Variants in HS6ST2 observed in about 807,000 individuals in gnomAD.
HS6ST2 encodes the protein heparan sulfate 6-O-sulfotransferase 2, also known as heparan-sulfate 6-O-sulfotransferase 2.
HS6ST2 carries 17 observed loss-of-function variants against 33.0 expected under a neutral mutation model. That is an observed-to-expected ratio of 0.52 (90% CI 0.35 to 0.77). The LOEUF (loss-of-function observed/expected upper bound fraction) is 0.77. Ranked by LOEUF, HS6ST2 falls within the 30% of genes least tolerant of loss-of-function variation. The pLI is 0.01. For missense variants in HS6ST2, 519 were observed against 551.7 expected (o/e 0.94, Z 0.59); for synonymous variants, 248 against 237.1 (o/e 1.05, Z -0.42).
chrX:132,859,561 T>A (rs1034079219), intron 2 of HS6ST2, among the ~76,000 whole-genome samples: 17 of 101,071 alleles, frequency 1.7e-4, no homozygotes, highest in Admixed American at 3.5e-4. Flanking sequence ...GGCTAAAGGA[T>A]AGGGATATGA....
chrX:132,742,602 T>C (rs1242263679), intron 2 of HS6ST2, among the ~76,000 whole-genome samples: 1 of 112,308 alleles, frequency 8.9e-6, no homozygotes, highest in East Asian at 2.8e-4. Context: ...AGCCTTATTG[T>C]AACCAGCCAA....
intron 2 of HS6ST2, among the ~76,000 whole-genome samples, chrX:132,948,457 A>AT (rs2066977446): frequency 1.8e-5 from 2 of 112,495 alleles, no homozygotes; most frequent in South Asian, 7.4e-4. Flanking sequence ...ATTAAATTGT[A>AT]TTTTGAATCG....
intron 2 of HS6ST2, among the ~76,000 whole-genome samples, chrX:132,776,450 C>T (rs1411766389): frequency 2.7e-5 from 3 of 111,790 alleles, no homozygotes; most frequent in Admixed American, 1.9e-4. Context: ...ATGACATGAG[C>T]GATGTGATGT....
chrX:132,946,695 A>C lies in HS6ST2; in HGVS notation c.947+10113T>G, dbSNP rs184899712. 1.8e-3 allele frequency among the ~76,000 whole-genome samples: 197 copies of C among 111,993 alleles called. 2 individuals carry two copies. The highest frequency in any genetic ancestry group is 6.0e-3 in the African/African-American group (186 of 30,838). Reference sequence around the variant, plus strand: ...GATGAGTTAATGGGTGCAGCACACCAACATGGCACATGTATACATATGTAA... The same window carrying C: ...GATGAGTTAATGGGTGCAGCACACCCACATGGCACATGTATACATATGTAA... On this transcript the variant is annotated intron_variant, in intron 2 of 4. Transcript: ENST00000370833.
At chrX:132,897,212 G>A (rs757971374) in intron 2 of HS6ST2, among the ~76,000 whole-genome samples, 4 of 109,557 alleles carry the variant, frequency 3.7e-5, no homozygotes, top group Non-Finnish European at 7.6e-5. Flanking sequence ...GAGTAACATC[G>A]AGGCTCTTCC....
chrX:132,718,620 G>T (rs1286005497), intron 2 of HS6ST2, among the ~76,000 whole-genome samples: 1 of 111,018 alleles, frequency 9.0e-6, no homozygotes, highest in Non-Finnish European at 1.9e-5. Flanking sequence ...ACTCTGAAGT[G>T]CTTCCTGTTT....
rs2067117873 is a variant in HS6ST2 at position 132,958,533 on chromosome X, G to A, written c.70C>T (p.Arg24Cys). The A allele has an allele frequency of 8.4e-7, 1 of 1,184,358 alleles. No homozygotes were observed. The change falls in exon 1 of 5, where the codon CGC (arginine) becomes TGC (cysteine). Residue 24 changes from arginine (R) to cysteine (C), a missense_variant. Coordinates refer to ENST00000370833, the MANE Select transcript of HS6ST2 (RefSeq NM_001394073.1). ...GAATGCCGGCGGGGACAGGTGGTGC[G>A]GACGGGCGCTCCTCGCTCCGGTTGC... ...PRQPERGAPV[R>C]TTCPRRHSRV... is the part of the protein sequence containing the mutation.
intron 2 of HS6ST2, among the ~76,000 whole-genome samples, chrX:132,772,284 G>A (rs909488850): frequency 2.7e-5 from 3 of 110,783 alleles, no homozygotes; most frequent in African/African-American, 9.8e-5. Flanking sequence ...TTTCCATGCC[G>A]TCTCAAGGCC....
At chrX:132,879,813 G>A (rs939476280) in intron 2 of HS6ST2, among the ~76,000 whole-genome samples, 1 of 111,906 alleles carries the variant, frequency 8.9e-6, no homozygotes, top group Non-Finnish European at 1.9e-5. Context: ...ATTGAGTAAT[G>A]GGGGAGACAG....
chrX:132,769,885 C>T (rs1420591069), intron 2 of HS6ST2, among the ~76,000 whole-genome samples: 2 of 112,148 alleles, frequency 1.8e-5, no homozygotes, highest in African/African-American at 3.2e-5. Context: ...GACTCACTTT[C>T]TCTGAGACAA....
chrX:132,840,241 A>T (rs2065695950), intron 2 of HS6ST2, among the ~76,000 whole-genome samples: 1 of 111,968 alleles, frequency 8.9e-6, no homozygotes, highest in Non-Finnish European at 1.9e-5. Flanking sequence ...ATTTGATATT[A>T]TACCCACAAA....
intron 3 of HS6ST2, among the ~76,000 whole-genome samples, chrX:132,701,072 G>A (rs1449411767): frequency 8.9e-6 from 1 of 112,124 alleles, no homozygotes; most frequent in Non-Finnish European, 1.9e-5. Context: ...CAAAAATTCA[G>A]CGAGTTTAGT....
At chrX:132,808,063 G>A (rs773506040) in intron 2 of HS6ST2, among the ~76,000 whole-genome samples, 3 of 111,766 alleles carry the variant, frequency 2.7e-5, no homozygotes, top group East Asian at 2.8e-4. Flanking sequence ...TGGAAATCTC[G>A]CCCTTGTGGA....
In HS6ST2 at chrX:132,958,595, A is replaced by G; in HGVS notation, c.8T>C (p.Leu3Pro). 1 of 1,170,489 alleles carries G rather than the reference A, an allele frequency of 8.5e-7. No homozygotes were observed. Among genetic ancestry groups the G allele is most frequent in the Non-Finnish European group, 1.1e-6 (1 of 873,744 alleles). Reference protein sequence around the residue: MALPACAVREFEP... With the variant: MAPPACAVREFEP... ...GAACTCCCGGACTGCACACGCAGGC[A>G]GTGCCATTCCCCCCTTCAGGCAACT... Residue 3 changes from leucine (L) to proline (P), a missense_variant, in exon 1 of 5, where the codon CTG becomes CCG. Leu to Pro is a moderately conservative substitution (Grantham distance 98). Transcript: ENST00000370833.
chrX:132,931,012 C>T (rs2066763210), intron 2 of HS6ST2, among the ~76,000 whole-genome samples: 1 of 111,734 alleles, frequency 8.9e-6, no homozygotes, highest in African/African-American at 3.3e-5. Context: ...CTTAGCTCTG[C>T]AGGCCTCTCC....
intron 2 of HS6ST2, among the ~76,000 whole-genome samples, chrX:132,712,337 A>G (rs1446406897): frequency 8.9e-6 from 1 of 111,975 alleles, no homozygotes; most frequent in Non-Finnish European, 1.9e-5. Context: ...TGATCTCTGA[A>G]GGCCAAATAC....
intron 2 of HS6ST2, among the ~76,000 whole-genome samples, chrX:132,897,812 G>A (rs1473127107): frequency 9.0e-6 from 1 of 111,343 alleles, no homozygotes; most frequent in Non-Finnish European, 1.9e-5. Flanking sequence ...TGGACCTAGG[G>A]CGAATGGAGT....
chrX:132,836,092 C>T (rs887000586), intron 2 of HS6ST2, among the ~76,000 whole-genome samples: 10 of 111,692 alleles, frequency 9.0e-5, no homozygotes, highest in Admixed American at 2.9e-4. Context: ...GTGGACCACA[C>T]ATTTTTTAGC....
At chrX:132,866,318 G>A (rs1236532470) in intron 2 of HS6ST2, among the ~76,000 whole-genome samples, 14 of 106,141 alleles carry the variant, frequency 1.3e-4, no homozygotes, top group Non-Finnish European at 1.9e-4. Flanking sequence ...TGAGGGCTCT[G>A]TTCTGTTCCA....
Sources: gnomAD v4.1 joint callset for allele counts (sites outside exome capture counted in the v4.1 genomes callset) on GRCh38, gnomAD v4.1.1 for gene constraint, MANE v1.5 for transcripts, NCBI Gene and HGNC (gene_info 2026-07-23, HGNC 2026-07-21) for gene names.